KCNQ5: variants seen among roughly 807,000 people sequenced by gnomAD.
KCNQ5 encodes the protein potassium voltage-gated channel subfamily Q member 5.
In KCNQ5, 30 loss-of-function variants were observed where a neutral mutation model predicts 98.2. That is an observed-to-expected ratio of 0.31 (90% CI 0.23 to 0.41). The LOEUF (loss-of-function observed/expected upper bound fraction) is 0.41. Ranked by LOEUF, KCNQ5 falls within the 10% of genes least tolerant of loss-of-function variation. The probability of loss-of-function intolerance (pLI) is 1.00; values close to 1 mark genes in which losing one functional copy is unlikely to be tolerated. For synonymous variants in KCNQ5, 458 were observed against 449.4 expected, an observed-to-expected ratio of 1.02 and a Z score of -0.24; for missense variants, 835 against 1,182.5, an observed-to-expected ratio of 0.71 and a Z score of 4.31.
chr6:73,011,289 A>G (rs1770052761), intron 2 of KCNQ5, among the ~76,000 whole-genome samples: 1 of 152,118 alleles, frequency 6.6e-6, no homozygotes. Context: ...TATAGGCATA[A>G]AGACCAACAT....
At chr6:72,862,238 A>T (rs1056475121) in intron 1 of KCNQ5, among the ~76,000 whole-genome samples, 4 of 152,178 alleles carry the variant, frequency 2.6e-5, no homozygotes, top group African/African-American at 9.7e-5. Flanking sequence ...GGGCCCATAG[A>T]ACTGCTTCTT....
intron 1 of KCNQ5, among the ~76,000 whole-genome samples, chr6:72,997,217 A>G (rs867783034): frequency 1.3e-5 from 2 of 152,126 alleles, no homozygotes; most frequent in Non-Finnish European, 2.9e-5. Context: ...TTCTGGCCAC[A>G]CGAATTTCCT....
chr6:73,096,345 A>AAG (rs1774497059), intron 5 of KCNQ5, among the ~76,000 whole-genome samples: 1 of 151,412 alleles, frequency 6.6e-6, no homozygotes, highest in Admixed American at 6.6e-5. Flanking sequence ...GCAAAAAAAA[A>AAG]AAAAAAAAGA....
At position 73,077,932 on chromosome 6, in the gene KCNQ5, G is replaced by GT. The variant is rs769127983; in HGVS notation, c.918+54dup. On this transcript the variant is annotated intron_variant, in intron 5 of 13. Transcript: ENST00000370398. ...TTTTATTTATTGGATGTTGTGAATTGTTTTTTTTTAATACAACGTAATGGT... is the reference window on the plus strand; with the variant it reads ...TTTTATTTATTGGATGTTGTGAATTGTTTTTTTTTTAATACAACGTAATGGT... 1.0e-3 allele frequency: 1,479 copies of GT among 1,452,646 alleles called. 1 individual carries two copies. The highest frequency in any genetic ancestry group is 1.5e-3 in the Middle Eastern group (8 of 5,492). The allele number at this position is 1,452,646 out of a possible 1,614,324, so 90.0% of individuals were successfully genotyped here. A position where few individuals can be genotyped will look rare whatever the true frequency, so the allele number is the denominator to read the frequency against.
intron 1 of KCNQ5, among the ~76,000 whole-genome samples, chr6:72,649,255 A>G (rs1447198461): frequency 6.6e-6 from 1 of 152,164 alleles, no homozygotes; most frequent in African/African-American, 2.4e-5. Context: ...CTCTTTCAGA[A>G]TCTCTACGTA....
chr6:73,088,584 CA>C (rs1449625599), intron 5 of KCNQ5, among the ~76,000 whole-genome samples: 2 of 152,156 alleles, frequency 1.3e-5, no homozygotes, highest in African/African-American at 4.8e-5. Flanking sequence ...GCTTTAACAT[CA>C]CCCTGTTACT....
chr6:72,997,422 T>G (rs1353151515), intron 1 of KCNQ5, among the ~76,000 whole-genome samples: 1 of 151,932 alleles, frequency 6.6e-6, no homozygotes, highest in Non-Finnish European at 1.5e-5. Context: ...CCTCTTAACA[T>G]CCCACATGTA....
intron 1 of KCNQ5, among the ~76,000 whole-genome samples, chr6:72,728,973 T>C (rs1770419381): frequency 1.3e-5 from 2 of 152,182 alleles, no homozygotes; most frequent in Non-Finnish European, 2.9e-5. Context: ...TTTCCCAATA[T>C]ATTTTTATTT....
At chr6:72,624,363 T>G (rs1277967859) in intron 1 of KCNQ5, among the ~76,000 whole-genome samples, 1 of 152,250 alleles carries the variant, frequency 6.6e-6, no homozygotes, top group Non-Finnish European at 1.5e-5. Context: ...GATTTTTTCT[T>G]TACAACAGTA....
At chr6:72,803,080 T>TAA (rs1774744454) in intron 1 of KCNQ5, among the ~76,000 whole-genome samples, 1 of 152,106 alleles carries the variant, frequency 6.6e-6, no homozygotes, top group Non-Finnish European at 1.5e-5. Context: ...ATCAGAACCT[T>TAA]ACTTGTTTCT....
chr6:73,044,560 T>C (rs1170259814), intron 3 of KCNQ5, among the ~76,000 whole-genome samples: 1 of 152,200 alleles, frequency 6.6e-6, no homozygotes, highest in Non-Finnish European at 1.5e-5. Context: ...GGCTTATCAG[T>C]ATGAGGTCAG....
At chr6:72,813,840 A>C (rs1443311106) in intron 1 of KCNQ5, among the ~76,000 whole-genome samples, 1 of 151,948 alleles carries the variant, frequency 6.6e-6, no homozygotes, top group African/African-American at 2.4e-5. Flanking sequence ...TTTTTGTTGC[A>C]ATGTTATTAT....
chr6:73,071,858 A>G (rs1018945494), intron 3 of KCNQ5, among the ~76,000 whole-genome samples: 8 of 152,186 alleles, frequency 5.3e-5, no homozygotes, highest in African/African-American at 1.9e-4. Flanking sequence ...TATCCAAACT[A>G]TAGCATAAGT....
At chr6:72,932,845 A>G (rs890353050) in intron 1 of KCNQ5, among the ~76,000 whole-genome samples, 2 of 152,216 alleles carry the variant, frequency 1.3e-5, no homozygotes, top group African/African-American at 4.8e-5. Flanking sequence ...CAAGAAACTC[A>G]TCTACTTTAT....
At chr6:73,167,665 G>T (rs1399592346) in intron 10 of KCNQ5, among the ~76,000 whole-genome samples, 1 of 152,138 alleles carries the variant, frequency 6.6e-6, no homozygotes, top group Non-Finnish European at 1.5e-5. Flanking sequence ...TAGTCTATTT[G>T]CACTACTATA....
intron 1 of KCNQ5, among the ~76,000 whole-genome samples, chr6:72,642,427 C>T (rs993320101): frequency 1.3e-5 from 2 of 151,850 alleles, no homozygotes; most frequent in Non-Finnish European, 2.9e-5. Context: ...CAGATCAACC[C>T]TATCACCCAG....
chr6:72,831,372 A>G (rs143317624), intron 1 of KCNQ5, among the ~76,000 whole-genome samples: 9,845 of 152,280 alleles, frequency 0.065, 425 homozygotes, highest in Non-Finnish European at 0.094. Context: ...AATGTAGCAC[A>G]TATACACCAT....
chr6:73,003,037 A>G (rs1769656649), intron 1 of KCNQ5, among the ~76,000 whole-genome samples: 1 of 151,986 alleles, frequency 6.6e-6, no homozygotes. Flanking sequence ...CAAGTAAAAA[A>G]TATGACCTAG....
chr6:73,190,763 A>T, intron 12 of KCNQ5, 59 bp downstream of exon 12: 1 of 1,204,164 alleles, frequency 8.3e-7, no homozygotes, highest in Non-Finnish European at 1.1e-6. Context: ...ATCTAGGAAG[A>T]ACTTCTCTTT....
Sources: allele counts gnomAD v4.1 joint callset (sites outside exome capture counted in the v4.1 genomes callset), GRCh38; gene constraint gnomAD v4.1.1; transcripts MANE v1.5; gene names NCBI Gene and HGNC (gene_info 2026-07-23, HGNC 2026-07-21).